The following LMAN1 variants were observed in gnomAD, a reference collection of about 807,000 sequenced individuals.
The protein encoded by LMAN1 is lectin, mannose binding 1.
In LMAN1, 32 loss-of-function variants were observed where a neutral mutation model predicts 67.8. That is an observed-to-expected ratio of 0.47 (90% CI 0.36 to 0.63). The LOEUF is 0.63. Among genes scored for constraint, LMAN1 ranks in the 30% least tolerant of loss-of-function variants. The pLI is 0.00. For missense variants in LMAN1, 632 were observed against 628.2 expected (o/e 1.01, Z -0.06); for synonymous variants, 235 against 219.3 (o/e 1.07, Z -0.63).
At position 59,333,099 on chromosome 18, in the gene LMAN1, G is replaced by A. The variant is rs573089732; in HGVS notation, c.1366C>T (p.Arg456Ter). The change falls in exon 11 of 13, where the codon CGA (arginine) becomes TGA (stop). Residue 456 changes from arginine to a stop codon, truncating the protein, a stop_gained. Transcript: ENST00000251047. LOFTEE classifies it high-confidence loss of function. Reference protein sequence around the residue: ...VKRDIDNLVQRNMPSNEKPKC... With the variant: ...VKRDIDNLVQ ...AAAGGAAACAAAGTTACCATATTTC[G>A]CTGCACTAAGTTATCTATGTCCCTC... The A allele has an allele frequency of 8.7e-6, 14 of 1,612,138 alleles. No homozygotes were observed. The East Asian group carries it at 1.6e-4, about 18-fold the overall frequency.
At position 59,359,174 on chromosome 18, in the gene LMAN1, AGTGACAGCAGC is replaced by A. The variant is rs1044611418; in HGVS notation, c.60_70del (p.Leu20PhefsTer79). ...GCCGTCGCCCCGGACGAAGCGACCGAGTGACAGCAGCAAGGCGCAGAACAGCGGCCGAACTC... is the reference window on the plus strand; with the variant it reads ...GCCGTCGCCCCGGACGAAGCGACCGAAAGGCGCAGAACAGCGGCCGAACTC... On this transcript the variant is annotated frameshift_variant, in exon 1 of 13. Coordinates refer to ENST00000251047, the MANE Select transcript of LMAN1 (RefSeq NM_005570.4). LOFTEE classifies it high-confidence loss of function. 1 of 1,614,036 alleles carries A rather than the reference AGTGACAGCAGC, an allele frequency of 6.2e-7. No homozygotes were observed. The highest frequency in any genetic ancestry group is 1.3e-5 in the African/African-American group (1 of 75,044).
chr18:59,346,748 G>A (rs1908417360), intron 7 of LMAN1, among the ~76,000 whole-genome samples: 1 of 143,408 alleles, frequency 7.0e-6, no homozygotes, highest in Non-Finnish European at 1.5e-5. Context: ...TCAAACTCCT[G>A]ACCTCAGGTG....
chr18:59,341,768 T>C (rs35095859), intron 8 of LMAN1, among the ~76,000 whole-genome samples: 13,031 of 151,980 alleles, frequency 0.086, 640 homozygotes, highest in Middle Eastern at 0.14. Flanking sequence ...ATTATTCCTC[T>C]GCAAACTAGA....
rs546118497 is a variant in LMAN1, at chr18:59,358,746, C to T, written c.214+285G>A. Among the ~76,000 whole-genome samples, 5 of 152,162 alleles carry T rather than the reference C, an allele frequency of 3.3e-5. No individual in the cohort carries two copies. The East Asian group carries it at 9.7e-4, about 29-fold the overall frequency. On this transcript the variant is annotated intron_variant, in intron 1 of 12. Coordinates refer to ENST00000251047, the MANE Select transcript of LMAN1 (RefSeq NM_005570.4). ...GGAAGTGTAGGAGGTAACCAAACAC[C>T]TCTAGATCCAACGGAAAGTACCGAC...
intron 5 of LMAN1, among the ~76,000 whole-genome samples, chr18:59,349,844 T>C (rs1908502513): frequency 1.3e-5 from 2 of 152,248 alleles, no homozygotes; most frequent in South Asian, 4.1e-4. Context: ...CTTAGAATCC[T>C]AGGCAAGCAC....
In LMAN1 at chr18:59,329,133, T is replaced by A. The variant is rs900547135; in HGVS notation, c.*1960A>T. The stretch of plus-strand genomic sequence containing the variant: ...TTTGAGAAAAACCACACTTCAAATA[T>A]GATACACATCATGTGAACTACTTTG... On this transcript the variant is annotated 3_prime_UTR_variant, in exon 13 of 13. Transcript: ENST00000251047. The A allele has an allele frequency of 1.3e-5, 2 of 152,208 alleles. No homozygotes were observed. The highest frequency in any genetic ancestry group is 4.8e-5 in the African/African-American group (2 of 41,468). The allele number at this position is 152,208 out of a possible 1,614,324, so 9.4% of individuals were successfully genotyped here.
At position 59,359,077 on chromosome 18, in the gene LMAN1, G is replaced by A. The variant is rs371276323; in HGVS notation, c.168C>T (p.His56=). The change falls in exon 1 of 13, where the codon CAC becomes CAT. Residue 56 remains histidine (H), a synonymous_variant. Transcript: ENST00000251047. ...GCACGGTCCCGTCGCTCTGCACCAGGTGCGGCCCCTTGAAGCTGTATTTGT... is the reference window on the plus strand; with the variant it reads ...GCACGGTCCCGTCGCTCTGCACCAGATGCGGCCCCTTGAAGCTGTATTTGT... ...FEYKYSFKGP[H]LVQSDGTVPF... 5.0e-6 allele frequency: 8 copies of A among 1,613,968 alleles called. No individual in the cohort carries two copies. Among genetic ancestry groups the A allele is most frequent in the Admixed American group, 3.3e-5 (2 of 60,018 alleles).
intron 10 of LMAN1, among the ~76,000 whole-genome samples, chr18:59,334,046 G>A (rs1342024803): frequency 1.3e-5 from 2 of 152,160 alleles, no homozygotes; most frequent in African/African-American, 4.8e-5. Flanking sequence ...ATATGCTCAA[G>A]AAAATTCCTG....
chr18:59,338,735 A>T (rs1168303958), intron 9 of LMAN1, 25 bp downstream of exon 9: 1 of 1,612,974 alleles, frequency 6.2e-7, no homozygotes, highest in South Asian at 1.1e-5. Context: ...TAAATGGGGC[A>T]CATCTGCATA....
At chr18:59,336,003 TAAGAC>T (rs1412418441) in intron 10 of LMAN1, among the ~76,000 whole-genome samples, 1 of 152,118 alleles carries the variant, frequency 6.6e-6, no homozygotes, top group Non-Finnish European at 1.5e-5. Context: ...AATTTTCAAA[TAAGAC>T]AAGGGGGAAA....
chr18:59,328,342 T>C lies in LMAN1; in HGVS notation c.*2751A>G, dbSNP rs1301063266. On this transcript the variant is annotated 3_prime_UTR_variant, in exon 13 of 13. Transcript: ENST00000251047. ...GATGGGAGTTTTCATGGCTTGACCATGAATGATCTCAAGATGATTTCATAA... is the reference window on the plus strand; with the variant it reads ...GATGGGAGTTTTCATGGCTTGACCACGAATGATCTCAAGATGATTTCATAA... The C allele has an allele frequency of 6.6e-6, 1 of 152,156 alleles. No individual in the cohort carries two copies. Among genetic ancestry groups the C allele is most frequent in the Non-Finnish European group, 1.5e-5 (1 of 68,032 alleles). 9.4% of individuals were successfully genotyped at this position (152,156 alleles called of 1,614,324 possible).
chr18:59,358,941 C>T (rs1908728526), intron 1 of LMAN1, 90 bp downstream of exon 1: 13 of 1,339,498 alleles, frequency 9.7e-6, no homozygotes, highest in Non-Finnish European at 1.3e-5. Flanking sequence ...GAACGGGAAC[C>T]TCAGCACACC....
intron 1 of LMAN1, among the ~76,000 whole-genome samples, chr18:59,356,784 C>T (rs1908669514): frequency 6.6e-6 from 1 of 152,186 alleles, no homozygotes; most frequent in Admixed American, 6.5e-5. Context: ...CTTAACCTTT[C>T]TGAACATCAG....
intron 10 of LMAN1, among the ~76,000 whole-genome samples, chr18:59,338,134 T>C (rs1411229354): frequency 6.6e-6 from 1 of 152,216 alleles, no homozygotes; most frequent in Non-Finnish European, 1.5e-5. Flanking sequence ...ACGTTCAAAA[T>C]GGTTTCATTC....
intron 11 of LMAN1, chr18:59,331,771 G>A: frequency 2.0e-6 from 1 of 494,572 alleles, no homozygotes; most frequent in South Asian, 2.0e-5. Flanking sequence ...ACTGCCTCCT[G>A]GCTCCTGTCT....
chr18:59,334,594 G>C (rs1312474115), intron 10 of LMAN1, among the ~76,000 whole-genome samples: 1 of 152,162 alleles, frequency 6.6e-6, no homozygotes, highest in Non-Finnish European at 1.5e-5. Context: ...TGGAAGGAGA[G>C]CAAGTGAAGA....
chr18:59,351,557 G>C (rs1190639886), intron 5 of LMAN1: 1 of 152,178 alleles, frequency 6.6e-6, no homozygotes, highest in East Asian at 1.9e-4. Context: ...AAGTCAGTCT[G>C]GGAAATGTGA....
At chr18:59,345,750 T>G (rs760881738) in intron 8 of LMAN1, among the ~76,000 whole-genome samples, 169 bp downstream of exon 8, 19 of 152,182 alleles carry the variant, frequency 1.2e-4, no homozygotes, top group Non-Finnish European at 2.5e-4. Flanking sequence ...AATGCCAATC[T>G]CTTGACTCTT....
chr18:59,334,403 C>T (rs1413185429), intron 10 of LMAN1, among the ~76,000 whole-genome samples: 1 of 152,086 alleles, frequency 6.6e-6, no homozygotes, highest in African/African-American at 2.4e-5. Flanking sequence ...AGGAAAGCAA[C>T]GTGACAGAAG....
Sources: gnomAD v4.1 joint callset for allele counts (sites outside exome capture counted in the v4.1 genomes callset) on GRCh38, gnomAD v4.1.1 for gene constraint, MANE v1.5 for transcripts, NCBI Gene and HGNC (gene_info 2026-07-23, HGNC 2026-07-21) for gene names.